The following ANO10 variants were observed in gnomAD, a reference collection of about 807,000 sequenced individuals.
ANO10 encodes the protein anoctamin-10.
Under a neutral mutation model 74.7 loss-of-function variants are expected in ANO10, and 77 were observed. That is an observed-to-expected ratio of 1.03 (90% CI 0.86 to 1.25). ANO10 has a LOEUF of 1.25. Ranked by LOEUF, ANO10 falls within the 50% of genes most tolerant of loss-of-function variation. The probability of loss-of-function intolerance (pLI) is 0.00; values close to 1 mark genes in which losing one functional copy is unlikely to be tolerated. For missense variants in ANO10, 721 were observed against 778.1 expected (o/e 0.93, Z 0.87); for synonymous variants, 279 against 284.9 (o/e 0.98, Z 0.21).
intron 11 of ANO10, among the ~76,000 whole-genome samples, chr3:43,507,107 A>G (rs1049978175): frequency 6.6e-6 from 1 of 152,196 alleles, no homozygotes; most frequent in African/African-American, 2.4e-5. Context: ...GTTTCATAAG[A>G]AAAAGGTGCT....
At chr3:43,604,194 T>C (rs2082457825) in intron 2 of ANO10, among the ~76,000 whole-genome samples, 1 of 152,204 alleles carries the variant, frequency 6.6e-6, no homozygotes, top group Admixed American at 6.6e-5. Flanking sequence ...ATACCCATCA[T>C]CTCAAACATT....
rs144272231 is a variant in ANO10, at chr3:43,576,710, C to T, written c.1144G>A (p.Glu382Lys). 54 of 1,614,060 alleles carry T rather than the reference C, an allele frequency of 3.3e-5. No individual in the cohort carries two copies. The African/African-American group carries it at 4.9e-4, about 15-fold the overall frequency. ...GTCTTACCCCATGAAGTTAAAAACT[C>T]GGCAGCATATCGATAGAGACGATTC... ...IMNRLYRYAA[E>K]FLTSWENHRL... The change falls in exon 6 of 13, where the codon GAG becomes AAG. Residue 382 changes from glutamate to lysine, a missense_variant. Glu to Lys is a moderately conservative substitution (Grantham distance 56). Coordinates refer to ENST00000292246, the MANE Select transcript of ANO10 (RefSeq NM_018075.5).
chr3:43,448,779 C>T (rs1204245708), intron 11 of ANO10, among the ~76,000 whole-genome samples: 3 of 152,116 alleles, frequency 2.0e-5, no homozygotes, highest in African/African-American at 7.2e-5. Flanking sequence ...AAACTGTCCT[C>T]CAAAGTGGCT....
chr3:43,435,526 A>AC (rs1361979732), intron 11 of ANO10, among the ~76,000 whole-genome samples: 4 of 151,578 alleles, frequency 2.6e-5, no homozygotes, highest in Non-Finnish European at 5.9e-5. Context: ...AAAAAAAAAA[A>AC]GCTGGGCAAA....
At chr3:43,448,406 T>C (rs2093280405) in intron 11 of ANO10, among the ~76,000 whole-genome samples, 1 of 152,212 alleles carries the variant, frequency 6.6e-6, no homozygotes, top group Non-Finnish European at 1.5e-5. Flanking sequence ...CTCTATAGTT[T>C]TGTCTTTTCT....
intron 7 of ANO10, among the ~76,000 whole-genome samples, chr3:43,573,935 G>T (rs1468238897): frequency 6.6e-6 from 1 of 152,062 alleles, no homozygotes; most frequent in Non-Finnish European, 1.5e-5. Flanking sequence ...CTAAAAAGTG[G>T]GTTAGTTTTG....
rs199539205 is a variant in ANO10, at chr3:43,396,079, T to TA, written c.1915-29106_1915-29105insT. On this transcript the variant is annotated intron_variant, in intron 12 of 12. Coordinates refer to ENST00000292246, the MANE Select transcript of ANO10 (RefSeq NM_018075.5). ...CCTTTTATTAATTTATTTATTTATT[T>TA]TTTTTTTTTGCTTGATGGCGCTGGC... 1.6e-4 allele frequency among the ~76,000 whole-genome samples: 24 copies of TA among 150,332 alleles called. No homozygotes were observed. The South Asian group carries it at 2.5e-3, about 16-fold the overall frequency.
intron 12 of ANO10, among the ~76,000 whole-genome samples, chr3:43,400,984 A>G (rs546213249): frequency 1.3e-5 from 2 of 152,148 alleles, no homozygotes; most frequent in Non-Finnish European, 2.9e-5. Flanking sequence ...ATCCTCTTTC[A>G]TGATGGACTT....
At chr3:43,428,815 A>AAAAAAAAAAAAAAAAAAT (rs2092938140) in intron 12 of ANO10, among the ~76,000 whole-genome samples, 1 of 150,990 alleles carries the variant, frequency 6.6e-6, no homozygotes, top group Non-Finnish European at 1.5e-5. Flanking sequence ...AAAAAAAAAA[A>AAAAAAAAAAAAAAAAAAT]AAAGTCATTG....
intron 11 of ANO10, among the ~76,000 whole-genome samples, chr3:43,484,489 G>C (rs1035763906): frequency 6.6e-6 from 1 of 152,160 alleles, no homozygotes; most frequent in African/African-American, 2.4e-5. Flanking sequence ...GTTTTGCAGG[G>C]TAATTTCAAA....
At chr3:43,623,375 A>C (rs2083459803), upstream of ANO10, among the ~76,000 whole-genome samples, 1 of 152,170 alleles carries the variant, frequency 6.6e-6, no homozygotes, top group Non-Finnish European at 1.5e-5. Flanking sequence ...GTATGTATGT[A>C]TGTGTAGGAA....
intron 12 of ANO10, among the ~76,000 whole-genome samples, chr3:43,375,848 C>T (rs531688815): frequency 2.5e-4 from 38 of 152,272 alleles, no homozygotes; most frequent in Middle Eastern, 3.4e-3. Context: ...AATTTAATGC[C>T]ATATAATATT....
intron 10 of ANO10, among the ~76,000 whole-genome samples, chr3:43,553,279 T>C (rs1268938684): frequency 6.6e-6 from 1 of 152,228 alleles, no homozygotes; most frequent in Non-Finnish European, 1.5e-5. Flanking sequence ...CGATGTGTGT[T>C]GGCAAGGATT....
chr3:43,435,118 G>A (rs562591456), intron 11 of ANO10, among the ~76,000 whole-genome samples: 4 of 152,254 alleles, frequency 2.6e-5, no homozygotes, highest in East Asian at 3.9e-4. Flanking sequence ...AACTCACCTC[G>A]TCCTGATTGC....
intron 12 of ANO10, among the ~76,000 whole-genome samples, chr3:43,427,545 AT>A (rs1272237791): frequency 6.6e-6 from 1 of 152,210 alleles, no homozygotes; most frequent in African/African-American, 2.4e-5. Flanking sequence ...ATAAGTAATA[AT>A]TTCTACTGAT....
chr3:43,409,266 G>T (rs1233097157), intron 12 of ANO10, among the ~76,000 whole-genome samples: 4 of 152,122 alleles, frequency 2.6e-5, no homozygotes, highest in East Asian at 1.9e-4. Flanking sequence ...AAAAGGAAGT[G>T]TCTGGGCACA....
Position 43,687,501 on chromosome 3 carries a change from T to C in ANO10, c.-12+4016A>G, listed in dbSNP as rs141089949. On this transcript the variant is annotated intron_variant, in intron 1 of 3. Transcript: ENST00000413397. ...AGTGGGGCACCAGTCATCAACCAAG[T>C]GTATGGCACACTTGGTCTTGGTGGG... Among the ~76,000 whole-genome samples, 71 of 152,182 alleles carry C rather than the reference T, an allele frequency of 4.7e-4. 2 individuals are homozygous for C. The highest frequency in any genetic ancestry group is 1.7e-3 in the African/African-American group (70 of 41,510).
intron 1 of ANO10, among the ~76,000 whole-genome samples, chr3:43,645,176 TC>T (rs2083713050): frequency 6.6e-6 from 1 of 152,192 alleles, no homozygotes; most frequent in Non-Finnish European, 1.5e-5. Context: ...TATGCAAGGC[TC>T]TGGTCTAATT....
intron 7 of ANO10, among the ~76,000 whole-genome samples, chr3:43,567,395 G>C (rs2080424107): frequency 6.6e-6 from 1 of 152,076 alleles, no homozygotes; most frequent in Non-Finnish European, 1.5e-5. Context: ...ATTCACCAAA[G>C]TTGATATGAA....
Sources: gnomAD v4.1 joint callset for allele counts (sites outside exome capture counted in the v4.1 genomes callset) on GRCh38, gnomAD v4.1.1 for gene constraint, MANE v1.5 for transcripts, NCBI Gene and HGNC (gene_info 2026-07-23, HGNC 2026-07-21) for gene names.